The following SUGCT variants were observed in gnomAD, a reference collection of about 807,000 sequenced individuals.
SUGCT encodes succinyl-CoA:glutarate-CoA transferase, also known as succinyl-CoA:glutarate CoA-transferase.
SUGCT carries 41 observed loss-of-function variants against 55.0 expected under a neutral mutation model. The ratio of observed to expected loss-of-function variants is 0.74; its 90% CI spans 0.58 to 0.97. The LOEUF (loss-of-function observed/expected upper bound fraction) is 0.97. Among genes scored for constraint, SUGCT ranks in the 50% least tolerant of loss-of-function variants. SUGCT has a pLI of 0.00. For synonymous variants in SUGCT, 187 were observed against 200.4 expected, an observed-to-expected ratio of 0.93 and a Z score of 0.56; for missense variants, 568 against 547.8, an observed-to-expected ratio of 1.04 and a Z score of -0.37.
At chr7:40,244,196 A>G (rs1301726483) in intron 7 of SUGCT, among the ~76,000 whole-genome samples, 1 of 152,184 alleles carries the variant, frequency 6.6e-6, no homozygotes, top group Non-Finnish European at 1.5e-5. Context: ...ATTAAAAAAT[A>G]TATATAAAGT....
intron 9 of SUGCT, among the ~76,000 whole-genome samples, chr7:40,372,416 A>G (rs963087642): frequency 6.6e-5 from 10 of 152,008 alleles, no homozygotes; most frequent in African/African-American, 2.2e-4. Flanking sequence ...TTATTTTTCT[A>G]TTTCCACATC....
At chr7:40,319,023 A>G (rs1256050154) in intron 9 of SUGCT, among the ~76,000 whole-genome samples, 1 of 152,176 alleles carries the variant, frequency 6.6e-6, no homozygotes, top group Non-Finnish European at 1.5e-5. Flanking sequence ...TTTATTTTGG[A>G]AAGTAAAAGA....
At chr7:40,861,392 T>A (rs576456667), downstream of SUGCT, among the ~76,000 whole-genome samples, 190 of 152,302 alleles carry the variant, frequency 1.2e-3, 1 homozygote, top group Admixed American at 2.9e-3. Context: ...ATTGAGTATT[T>A]CAATGGATAT....
Position 40,311,904 on chromosome 7 carries a change from G to A in SUGCT, c.721-4856G>A, listed in dbSNP as rs1039516882. Among the ~76,000 whole-genome samples, 7 of 152,108 alleles carry A rather than the reference G, an allele frequency of 4.6e-5. No individual in the cohort carries two copies. The East Asian group carries it at 9.7e-4, about 21-fold the overall frequency. On this transcript the variant is annotated intron_variant, in intron 8 of 13. Transcript: ENST00000335693. Reference sequence around the variant, plus strand: ...TTAAGTGCTATGGAAACACACAAAGGGTTTAAAATAAATAAGTCTTACCTT... The same window carrying A: ...TTAAGTGCTATGGAAACACACAAAGAGTTTAAAATAAATAAGTCTTACCTT...
At chr7:40,465,761 A>G (rs190678192) in intron 11 of SUGCT, among the ~76,000 whole-genome samples, 15 of 152,280 alleles carry the variant, frequency 9.9e-5, no homozygotes, top group African/African-American at 3.4e-4. Context: ...TGTAACTTCA[A>G]AGGTCCCTAT....
chr7:40,821,196 G>A (rs1331501059), intron 13 of SUGCT, among the ~76,000 whole-genome samples: 1 of 152,128 alleles, frequency 6.6e-6, no homozygotes, highest in Non-Finnish European at 1.5e-5. Context: ...TTGCATCAAT[G>A]TTCATCAGGG....
At chr7:40,916,070 T>TAC in the SUGCT span, among the ~76,000 whole-genome samples, 17,742 of 144,682 alleles carry the variant, frequency 0.12, 1,266 homozygotes, top group African/African-American at 0.19. Context: ...TCTCTCTACA[T>TAC]ACACACACAC....
chr7:40,951,519 T>C, the SUGCT span, among the ~76,000 whole-genome samples: 1 of 152,220 alleles, frequency 6.6e-6, no homozygotes, highest in African/African-American at 2.4e-5. Context: ...TTGCTCTTGC[T>C]TCTCTAGTTC....
chr7:40,262,744 AT>A (rs1791310871), intron 7 of SUGCT, among the ~76,000 whole-genome samples: 1 of 152,144 alleles, frequency 6.6e-6, no homozygotes, highest in African/African-American at 2.4e-5. Flanking sequence ...TAACTCACAC[AT>A]TTAAAATTTT....
At chr7:40,893,911 A>T in the SUGCT span, among the ~76,000 whole-genome samples, 2 of 152,106 alleles carry the variant, frequency 1.3e-5, no homozygotes, top group African/African-American at 4.8e-5. Context: ...AAATACAAAA[A>T]TTAGCTGCAC....
At chr7:40,770,058 C>T (rs1012384497) in intron 13 of SUGCT, among the ~76,000 whole-genome samples, 7 of 152,140 alleles carry the variant, frequency 4.6e-5, no homozygotes, top group African/African-American at 1.4e-4. Flanking sequence ...CTGCTAGCCC[C>T]TTCATGATTA....
At chr7:40,975,162 T>C in the SUGCT span, among the ~76,000 whole-genome samples, 5 of 152,198 alleles carry the variant, frequency 3.3e-5, no homozygotes, top group Non-Finnish European at 5.9e-5. Flanking sequence ...AAAACCTTCA[T>C]TACCCATGGT....
intron 6 of SUGCT, among the ~76,000 whole-genome samples, chr7:40,200,389 G>A (rs1786521743): frequency 6.6e-6 from 1 of 152,130 alleles, no homozygotes; most frequent in South Asian, 2.1e-4. Flanking sequence ...GAGATTAACA[G>A]AGGAGGGGTT....
chr7:40,491,792 A>G (rs1257404413), intron 11 of SUGCT, among the ~76,000 whole-genome samples: 1 of 152,034 alleles, frequency 6.6e-6, no homozygotes, highest in East Asian at 1.9e-4. Context: ...GGAGTTTGAG[A>G]CCAGTCTGGC....
At chr7:40,603,924 A>G (rs762900639) in intron 12 of SUGCT, among the ~76,000 whole-genome samples, 1 of 152,120 alleles carries the variant, frequency 6.6e-6, no homozygotes, top group Non-Finnish European at 1.5e-5. Flanking sequence ...TGAGTTTAAG[A>G]TATAGATAAT....
the SUGCT span, among the ~76,000 whole-genome samples, chr7:40,882,750 T>A: frequency 6.6e-6 from 1 of 152,184 alleles, no homozygotes; most frequent in Admixed American, 6.5e-5. Context: ...TGTTATTAAT[T>A]TCCTGGTTCA....
chr7:40,946,426 G>C, the SUGCT span, among the ~76,000 whole-genome samples: 1 of 152,124 alleles, frequency 6.6e-6, no homozygotes, highest in Non-Finnish European at 1.5e-5. Context: ...CTAGCCACTG[G>C]GGTAATGTTC....
At chr7:40,235,137 A>G (rs534321206) in intron 6 of SUGCT, among the ~76,000 whole-genome samples, 57 of 152,216 alleles carry the variant, frequency 3.7e-4, no homozygotes, top group African/African-American at 1.3e-3. Context: ...ATCAATAATT[A>G]TAATCTTGAA....
intron 9 of SUGCT, among the ~76,000 whole-genome samples, chr7:40,399,165 T>TG (rs1785924226): frequency 3.3e-5 from 5 of 152,128 alleles, no homozygotes; most frequent in Admixed American, 2.6e-4. Context: ...AAATTTAACT[T>TG]GTGGCAGGAT....
Sources: allele counts gnomAD v4.1 joint callset (sites outside exome capture counted in the v4.1 genomes callset), GRCh38; gene constraint gnomAD v4.1.1; transcripts MANE v1.5; gene names NCBI Gene and HGNC (gene_info 2026-07-23, HGNC 2026-07-21).